The following GALNT13 variants were observed in gnomAD, a reference collection of about 807,000 sequenced individuals.
GALNT13 encodes the protein polypeptide N-acetylgalactosaminyltransferase 13.
Under a neutral mutation model 64.2 loss-of-function variants are expected in GALNT13, and 28 were observed. The observed-to-expected ratio is 0.44, with a 90% CI of 0.32 to 0.60. The LOEUF is 0.60. Among genes scored for constraint, GALNT13 ranks in the 20% least tolerant of loss-of-function variants. The pLI is 0.05. For missense variants in GALNT13, 577 were observed against 669.8 expected (o/e 0.86, Z 1.53); for synonymous variants, 214 against 224.6 (o/e 0.95, Z 0.42).
chr2:153,677,988 G>A, the GALNT13 span, among the ~76,000 whole-genome samples: 1 of 151,780 alleles, frequency 6.6e-6, no homozygotes, highest in East Asian at 1.9e-4. Flanking sequence ...TTTAATGACA[G>A]GCTCCAAAAG....
the GALNT13 span, among the ~76,000 whole-genome samples, chr2:153,837,955 T>C: frequency 6.6e-6 from 1 of 152,166 alleles, no homozygotes; most frequent in Non-Finnish European, 1.5e-5. Context: ...TTTTTAATAA[T>C]AACCTTTCTA....
At chr2:154,002,327 G>T (rs1695967302) in intron 3 of GALNT13, among the ~76,000 whole-genome samples, 1 of 151,574 alleles carries the variant, frequency 6.6e-6, no homozygotes, top group South Asian at 2.1e-4. Context: ...GTTTCATAAT[G>T]CTTGTAGGCC....
intron 3 of GALNT13, among the ~76,000 whole-genome samples, chr2:154,026,784 G>A (rs1697996686): frequency 6.6e-6 from 1 of 152,124 alleles, no homozygotes. Flanking sequence ...GAATGAATTT[G>A]GGAGAGTAGG....
chr2:153,320,847 C>A, the GALNT13 span, among the ~76,000 whole-genome samples: 1 of 152,180 alleles, frequency 6.6e-6, no homozygotes, highest in Non-Finnish European at 1.5e-5. Context: ...AGTTCCTTTT[C>A]TGTTTGCAGA....
At chr2:153,475,119 G>A in the GALNT13 span, among the ~76,000 whole-genome samples, 1 of 152,184 alleles carries the variant, frequency 6.6e-6, no homozygotes, top group African/African-American at 2.4e-5. Context: ...CCCAGAAAGT[G>A]GTTGCTCTGT....
intron 2 of GALNT13, among the ~76,000 whole-genome samples, chr2:153,908,893 T>C (rs1259874676): frequency 6.6e-6 from 1 of 152,146 alleles, no homozygotes; most frequent in African/African-American, 2.4e-5. Flanking sequence ...TTTGGTTCCA[T>C]ATGAATTTTA....
chr2:154,408,893 TAAC>T (rs1245320947), intron 10 of GALNT13, 88 bp from the exon 11 acceptor site: 4 of 772,574 alleles, frequency 5.2e-6, no homozygotes, highest in Non-Finnish European at 8.9e-6. Context: ...ATTATTCAGT[TAAC>T]AATAGATAGT....
intron 8 of GALNT13, among the ~76,000 whole-genome samples, chr2:154,273,563 A>G (rs759855523): frequency 2.4e-4 from 37 of 152,326 alleles, no homozygotes; most frequent in Non-Finnish European, 4.1e-4. Flanking sequence ...ACAACGACAC[A>G]TATACAATGG....
the GALNT13 span, among the ~76,000 whole-genome samples, chr2:153,109,352 G>A: frequency 6.6e-6 from 1 of 152,116 alleles, no homozygotes. Flanking sequence ...TGGGCTCCAA[G>A]CATTTGCTGG....
At chr2:154,113,554 C>T (rs755626363) in intron 3 of GALNT13, among the ~76,000 whole-genome samples, 1 of 152,208 alleles carries the variant, frequency 6.6e-6, no homozygotes, top group Non-Finnish European at 1.5e-5. Flanking sequence ...ACAGGCCCCA[C>T]ACCACTGGAC....
At chr2:153,102,622 C>T in the GALNT13 span, among the ~76,000 whole-genome samples, 1 of 152,174 alleles carries the variant, frequency 6.6e-6, no homozygotes, top group African/African-American at 2.4e-5. Flanking sequence ...GAAACTCAAA[C>T]TTGCAACGTT....
chr2:153,904,794 T>G (rs928843296), intron 2 of GALNT13, among the ~76,000 whole-genome samples: 3 of 151,908 alleles, frequency 2.0e-5, no homozygotes, highest in Non-Finnish European at 4.4e-5. Flanking sequence ...TTTTAATCAT[T>G]ATATCACCTC....
chr2:153,460,554 G>T, the GALNT13 span, among the ~76,000 whole-genome samples: 1 of 151,954 alleles, frequency 6.6e-6, no homozygotes, highest in Admixed American at 6.6e-5. Context: ...CCTAAAATTG[G>T]ATTTATACCT....
the GALNT13 span, among the ~76,000 whole-genome samples, chr2:153,359,127 A>G: frequency 1.4e-3 from 212 of 152,300 alleles, 2 homozygotes; most frequent in African/African-American, 4.8e-3. Context: ...TGATTTCTTT[A>G]TTGATGGTAA....
chr2:153,909,415 T>C (rs1688795509), intron 2 of GALNT13, among the ~76,000 whole-genome samples: 1 of 152,078 alleles, frequency 6.6e-6, no homozygotes, highest in Non-Finnish European at 1.5e-5. Context: ...TTTCTGTATG[T>C]ATATGCTTTA....
chr2:153,203,330 A>C, the GALNT13 span, among the ~76,000 whole-genome samples: 1 of 152,232 alleles, frequency 6.6e-6, no homozygotes, highest in Non-Finnish European at 1.5e-5. Context: ...TAATTTTCTG[A>C]CTGTTATAAA....
chr2:154,130,440 T>G (rs147466080), intron 3 of GALNT13, among the ~76,000 whole-genome samples: 172 of 152,262 alleles, frequency 1.1e-3, no homozygotes, highest in African/African-American at 3.9e-3. Context: ...TAGATTTAAT[T>G]TTATAAATTA....
the GALNT13 span, among the ~76,000 whole-genome samples, chr2:153,601,167 T>G: frequency 1.3e-5 from 2 of 151,814 alleles, no homozygotes; most frequent in African/African-American, 4.8e-5. Context: ...AGTAGGCTTT[T>G]TTTTTTTGCC....
chr2:154,026,971 G>C (rs1307303190), intron 3 of GALNT13, among the ~76,000 whole-genome samples: 1 of 152,130 alleles, frequency 6.6e-6, no homozygotes, highest in East Asian at 1.9e-4. Context: ...CAGGAGAAGA[G>C]AAGATAGCAA....
Sources: gnomAD v4.1 joint callset for allele counts (sites outside exome capture counted in the v4.1 genomes callset) on GRCh38, gnomAD v4.1.1 for gene constraint, MANE v1.5 for transcripts, NCBI Gene and HGNC (gene_info 2026-07-23, HGNC 2026-07-21) for gene names.